The following PSME3IP1 variants were observed in gnomAD, a reference collection of about 807,000 sequenced individuals.
PSME3IP1 encodes the protein proteasome activator subunit 3 interacting protein 1, also known as PSME3-interacting protein.
A neutral mutation model predicts 34.1 loss-of-function variants in PSME3IP1; 13 were observed. The ratio of observed to expected loss-of-function variants is 0.38; its 90% CI spans 0.25 to 0.61. PSME3IP1 has a LOEUF of 0.61. Ranked by LOEUF, PSME3IP1 falls within the 20% of genes least tolerant of loss-of-function variation. The pLI is 0.60. For synonymous variants in PSME3IP1, 93 were observed against 114.3 expected (o/e 0.81, Z 1.19); for missense variants, 237 against 301.4 (o/e 0.79, Z 1.58).
rs1161821700 is a variant in PSME3IP1, at chr16:57,172,109, A to G, written c.348+142T>C. On this transcript the variant is annotated intron_variant, in intron 4 of 6. Transcript: ENST00000309137. ...CCACAAACCACTACCAGCTTTTCAGAATTACAGGAATATCAGTGTTCAAAG... is the reference window on the plus strand; with the variant it reads ...CCACAAACCACTACCAGCTTTTCAGGATTACAGGAATATCAGTGTTCAAAG... 4.7e-6 allele frequency: 4 copies of G among 856,708 alleles called. No individual in the cohort carries two copies. The African/African-American group carries it at 6.8e-5, about 15-fold the overall frequency. 53.1% of individuals were successfully genotyped at this position (856,708 alleles called of 1,614,324 possible).
At chr16:57,160,759 G>A (rs1204337398) in intron 6 of PSME3IP1, among the ~76,000 whole-genome samples, 2 of 152,306 alleles carry the variant, frequency 1.3e-5, no homozygotes, top group East Asian at 1.9e-4. Flanking sequence ...AATAACTGCT[G>A]AATTAAGCAA....
In PSME3IP1 at chr16:57,157,330, A is replaced by AAAG. The variant is rs1555484037; in HGVS notation, c.548-2826_548-2824dup. 5.1e-3 allele frequency among the ~76,000 whole-genome samples: 756 copies of AAAG among 149,062 alleles called. 3 individuals are homozygous for AAAG. Among genetic ancestry groups the AAAG allele is most frequent in the South Asian group, 0.017 (76 of 4,458 alleles). ...CCTATCTCCAAAAAAAAAAAAAAAAAAAGAAGAAGAAGAAGAAGAAGAAAG... is the reference window on the plus strand; with the variant it reads ...CCTATCTCCAAAAAAAAAAAAAAAAAAAGAAGAAGAAGAAGAAGAAGAAGAAAG... On this transcript the variant is annotated intron_variant, in intron 6 of 6. Coordinates refer to ENST00000309137, the MANE Select transcript of PSME3IP1 (RefSeq NM_024946.4).
chr16:57,168,463 G>C (rs1393597726), intron 4 of PSME3IP1, among the ~76,000 whole-genome samples: 1 of 151,220 alleles, frequency 6.6e-6, no homozygotes, highest in Admixed American at 6.7e-5. Flanking sequence ...ATGTTTTTAG[G>C]GTCATCATGG....
chr16:57,170,101 T>A (rs1444563460), intron 4 of PSME3IP1, among the ~76,000 whole-genome samples: 3 of 150,268 alleles, frequency 2.0e-5, no homozygotes, highest in Non-Finnish European at 4.4e-5. Flanking sequence ...TTTTTTTTTT[T>A]AAGATAAAGT....
intron 1 of PSME3IP1, among the ~76,000 whole-genome samples, chr16:57,175,077 C>T (rs767322492): frequency 1.0e-4 from 15 of 149,532 alleles, no homozygotes; most frequent in Middle Eastern, 3.2e-3. Flanking sequence ...TCCAGTGGTG[C>T]AATCTCAGCT....
chr16:57,156,659 A>C (rs1243280437), intron 6 of PSME3IP1, among the ~76,000 whole-genome samples: 1 of 152,248 alleles, frequency 6.6e-6, no homozygotes, highest in Non-Finnish European at 1.5e-5. Flanking sequence ...TACTTGTACT[A>C]TCATAAAAGC....
At chr16:57,182,235 T>A (rs1435935814) in intron 1 of PSME3IP1, among the ~76,000 whole-genome samples, 5 of 152,176 alleles carry the variant, frequency 3.3e-5, no homozygotes, top group African/African-American at 1.2e-4. Context: ...TATTTTACAA[T>A]ATCACACTGG....
chr16:57,154,335 A>C lies in PSME3IP1; in HGVS notation c.720T>G (p.Ile240Met). The C allele has an allele frequency of 1.9e-6, 3 of 1,614,004 alleles. No individual in the cohort carries two copies. The highest frequency in any genetic ancestry group is 2.2e-5 in the South Asian group (2 of 91,066). ...SEGTINATGK[I>M]VSSIFRTNTF... ...TGTTGGTTCGGAAGATGGAGGAGAC[A>C]ATCTTTCCGGTGGCATTGATGGTGC... Residue 240 changes from isoleucine to methionine, a missense_variant, in exon 7 of 7, where the codon ATT becomes ATG. Coordinates refer to ENST00000309137, the MANE Select transcript of PSME3IP1 (RefSeq NM_024946.4). The surrounding 1 kb of genome is among the most constrained non-coding windows in gnomAD (Gnocchi z 4.0).
chr16:57,162,714 C>A (rs1464976406), intron 6 of PSME3IP1, among the ~76,000 whole-genome samples: 4 of 148,644 alleles, frequency 2.7e-5, no homozygotes, highest in Non-Finnish European at 6.0e-5. Flanking sequence ...TAGGAGATAC[C>A]TTACAAAGAA....
chr16:57,182,551 TAAAAAAAA>T (rs10717048), intron 1 of PSME3IP1, among the ~76,000 whole-genome samples: 1 of 76,756 alleles, frequency 1.3e-5, no homozygotes, highest in African/African-American at 5.4e-5. Flanking sequence ...CCATTTCCCT[TAAAAAAAA>T]AAAAAAAAAA....
At chr16:57,173,116 A>G (rs1195845209) in intron 2 of PSME3IP1, among the ~76,000 whole-genome samples, 1 of 152,208 alleles carries the variant, frequency 6.6e-6, no homozygotes, top group African/African-American at 2.4e-5. Context: ...GAGACAGTTA[A>G]CTGATTGAGG....
intron 5 of PSME3IP1, among the ~76,000 whole-genome samples, chr16:57,165,386 G>A (rs1877190948): frequency 6.6e-6 from 1 of 152,098 alleles, no homozygotes; most frequent in Non-Finnish European, 1.5e-5. Flanking sequence ...AGCTTCAGAT[G>A]CTCATAACTA....
chr16:57,166,360 A>C (rs1216306513), intron 5 of PSME3IP1, among the ~76,000 whole-genome samples: 3 of 152,222 alleles, frequency 2.0e-5, no homozygotes, highest in Non-Finnish European at 4.4e-5. Flanking sequence ...CATAGCCTTG[A>C]GACAGTGCTA....
intron 1 of PSME3IP1, among the ~76,000 whole-genome samples, chr16:57,177,194 G>A (rs1456332851): frequency 6.6e-6 from 1 of 151,812 alleles, no homozygotes; most frequent in Non-Finnish European, 1.5e-5. Flanking sequence ...CTTCCAATAT[G>A]CCAAAAACAA....
At chr16:57,173,393 G>T (rs557684931) in intron 2 of PSME3IP1, among the ~76,000 whole-genome samples, 130 of 152,288 alleles carry the variant, frequency 8.5e-4, no homozygotes, top group African/African-American at 3.1e-3. Context: ...ACTTTGGGAG[G>T]CCGAGGCAGG....
chr16:57,153,615 C>T lies in PSME3IP1; in HGVS notation c.*675G>A, dbSNP rs1159641281. 6.6e-6 allele frequency: 1 copy of T among 152,124 alleles called. No individual in the cohort carries two copies. Among genetic ancestry groups the T allele is most frequent in the Admixed American group, 6.5e-5 (1 of 15,284 alleles). 9.4% of individuals were successfully genotyped at this position (152,124 alleles called of 1,614,324 possible). Reference sequence around the variant, plus strand: ...GCAGAGAAAAGGTTTGAGATGGAAGCGTTCTTGTTAGCAGTCCCTTCCTGC... The same window carrying T: ...GCAGAGAAAAGGTTTGAGATGGAAGTGTTCTTGTTAGCAGTCCCTTCCTGC... On this transcript the variant is annotated 3_prime_UTR_variant, in exon 7 of 7. Coordinates refer to ENST00000309137, the MANE Select transcript of PSME3IP1 (RefSeq NM_024946.4).
In PSME3IP1 at chr16:57,180,031, A is replaced by T. The variant is rs548379904; in HGVS notation, c.-16+5790T>A. 1.4e-3 allele frequency among the ~76,000 whole-genome samples: 216 copies of T among 152,334 alleles called. 1 individual carries two copies. Among genetic ancestry groups the T allele is most frequent in the African/African-American group, 4.0e-3 (168 of 41,572 alleles). ...TCATAAAATTTATTTAGAGAACAAC[A>T]ACTACTAACAGAGAGCCCGCTGTTA... On this transcript the variant is annotated intron_variant, in intron 1 of 6. Transcript: ENST00000309137.
At chr16:57,173,971 CAA>C in intron 1 of PSME3IP1, 102 bp from the exon 2 acceptor site, 1 of 1,231,090 alleles carries the variant, frequency 8.1e-7, no homozygotes, top group African/African-American at 1.5e-5. Flanking sequence ...CACCCAGCAA[CAA>C]ACTAAAAATT....
At chr16:57,182,480 A>G (rs2073804165) in intron 1 of PSME3IP1, among the ~76,000 whole-genome samples, 1 of 135,592 alleles carries the variant, frequency 7.4e-6, no homozygotes, top group African/African-American at 2.8e-5. Context: ...CAGGAGGCTG[A>G]GACTGGAGGA....
Sources: gnomAD v4.1 joint callset for allele counts (sites outside exome capture counted in the v4.1 genomes callset) on GRCh38, gnomAD v4.1.1 for gene constraint, Gnocchi (gnomAD v3.1) non-coding constraint, MANE v1.5 for transcripts, NCBI Gene and HGNC (gene_info 2026-07-23, HGNC 2026-07-21) for gene names.